The following FBXO43 variants were observed in gnomAD, a reference collection of about 807,000 sequenced individuals.
FBXO43 encodes F-box only protein 43.
FBXO43 carries 22 observed loss-of-function variants against 56.7 expected under a neutral mutation model. That is an observed-to-expected ratio of 0.39 (90% CI 0.28 to 0.55). The LOEUF is 0.55. Among genes scored for constraint, FBXO43 ranks in the 20% least tolerant of loss-of-function variants. The pLI, the probability that FBXO43 is intolerant of heterozygous loss-of-function variation, is 0.66. For synonymous variants in FBXO43, 306 were observed against 294.5 expected (o/e 1.04, Z -0.40); for missense variants, 733 against 814.9 (o/e 0.90, Z 1.22).
chr8:100,149,940 C>G (rs1483917415), upstream of FBXO43, among the ~76,000 whole-genome samples: 1 of 152,168 alleles, frequency 6.6e-6, no homozygotes, highest in Non-Finnish European at 1.5e-5. Flanking sequence ...TACTGAAATT[C>G]TGATACTTGA....
rs1035596405 is a variant in FBXO43, at chr8:100,133,848, G to GC, written c.2080dup (p.Ala694GlyfsTer9). 11 of 1,614,046 alleles carry GC rather than the reference G, an allele frequency of 6.8e-6. No homozygotes were observed. Among genetic ancestry groups the GC allele is most frequent in the African/African-American group, 1.3e-5 (1 of 74,916 alleles). ...CTTACTCTGGGCACTTCCTGGGAGA[G>GC]CATCTTTTCTATTTCTTGGCTTTGC... On this transcript the variant is annotated frameshift_variant, in exon 5 of 5. Transcript: ENST00000428847. LOFTEE classifies it high-confidence loss of function.
rs566029616 is a variant in FBXO43 at position 100,139,399 on chromosome 8, C to A, written c.1571+1284G>T. ...CTTGAGCCCAGGAGTTGCAGACCAG[C>A]CTGAGCAACACAGTGAGACCCCATC... On this transcript the variant is annotated intron_variant, in intron 2 of 4. Coordinates refer to ENST00000428847, the MANE Select transcript of FBXO43 (RefSeq NM_001029860.4). 1.1e-3 allele frequency among the ~76,000 whole-genome samples: 168 copies of A among 152,206 alleles called. 1 individual carries two copies. The highest frequency in any genetic ancestry group is 3.9e-3 in the African/African-American group (164 of 41,522).
At chr8:100,148,305 C>T (rs866434571), upstream of FBXO43, among the ~76,000 whole-genome samples, 2 of 152,144 alleles carry the variant, frequency 1.3e-5, no homozygotes, top group Non-Finnish European at 2.9e-5. Flanking sequence ...CACCTAAAAA[C>T]GGGCAAAAAG....
intron 1 of FBXO43, 72 bp from the exon 2 acceptor site, chr8:100,142,240 T>C: frequency 1.5e-6 from 2 of 1,331,440 alleles, no homozygotes; most frequent in Non-Finnish European, 2.0e-6. Context: ...AATACATTAT[T>C]TGTTATGAGT....
intron 2 of FBXO43, among the ~76,000 whole-genome samples, chr8:100,139,062 G>A (rs999074310): frequency 5.3e-5 from 8 of 152,116 alleles, no homozygotes; most frequent in African/African-American, 1.9e-4. Context: ...AAGAGTTTAT[G>A]GAAAAATACT....
At chr8:100,137,301 C>A in intron 3 of FBXO43, 1 of 258,870 alleles carries the variant, frequency 3.9e-6, no homozygotes, top group South Asian at 4.8e-5. Flanking sequence ...ACCTCGTGAT[C>A]CGCCCGCCTC....
chr8:100,141,183 T>C lies in FBXO43; in HGVS notation c.1071A>G (p.Glu357=), dbSNP rs757102983. The change falls in exon 2 of 5, where the codon GAA becomes GAG. Residue 357 remains glutamate (E), a synonymous_variant. Transcript: ENST00000428847. The part of the protein sequence containing the change: ...SLSDQEGSFQ[E]LLQKHKGTPK... The stretch of plus-strand genomic sequence containing the variant: ...GAGTCCCCTTATGTTTCTGCAGTAG[T>C]TCTTGAAAAGAACCCTCCTGGTCAG... 6.2e-7 allele frequency: 1 copy of C among 1,614,124 alleles called. No homozygotes were observed. The highest frequency in any genetic ancestry group is 1.1e-5 in the South Asian group (1 of 91,088).
At chr8:100,145,968 C>T (rs553694740), upstream of FBXO43, among the ~76,000 whole-genome samples, 39 of 152,352 alleles carry the variant, frequency 2.6e-4, no homozygotes, top group Middle Eastern at 6.8e-3. Context: ...CTCGCTCACC[C>T]CTGCACCCGT....
intron 1 of FBXO43, among the ~76,000 whole-genome samples, chr8:100,143,376 G>A (rs1385408042): frequency 6.6e-6 from 1 of 152,102 alleles, no homozygotes; most frequent in East Asian, 1.9e-4. Context: ...AATGATCTTT[G>A]TTACAAAAGC....
At position 100,137,647 on chromosome 8, in the gene FBXO43, T is replaced by A; in HGVS notation, c.1592A>T (p.Asn531Ile). The change falls in exon 3 of 5, where the codon AAT becomes ATT. Residue 531 changes from asparagine (N) to isoleucine (I), a missense_variant. Asn to Ile is a moderately radical substitution (Grantham distance 149). Transcript: ENST00000428847. ...SLCSVWKVSR[N>I]WREIVVQDKN... ...ATCTTGAACAACAATTTCACGCCAA[T>A]TTCTGCTTACTTTCCAAACACTATA... The A allele has an allele frequency of 6.2e-7, 1 of 1,612,984 alleles. No individual in the cohort carries two copies. The highest frequency in any genetic ancestry group is 8.5e-7 in the Non-Finnish European group (1 of 1,179,410).
At chr8:100,146,070 A>G (rs1814826076), upstream of FBXO43, among the ~76,000 whole-genome samples, 1 of 152,252 alleles carries the variant, frequency 6.6e-6, no homozygotes, top group Admixed American at 6.5e-5. Flanking sequence ...CTACAGTGGG[A>G]TGCCATTAGA....
intron 1 of FBXO43, among the ~76,000 whole-genome samples, chr8:100,143,392 GCTACT>G (rs1462090578): frequency 2.6e-5 from 4 of 152,142 alleles, no homozygotes; most frequent in African/African-American, 4.8e-5. Flanking sequence ...AAAGCAAATT[GCTACT>G]CTAAACACAA....
chr8:100,140,094 T>A (rs1563752960), intron 2 of FBXO43, among the ~76,000 whole-genome samples: 1 of 152,188 alleles, frequency 6.6e-6, no homozygotes. Context: ...ATTCAACTTT[T>A]AGCAACTCTC....
Position 100,140,738 on chromosome 8 carries a change from A to C in FBXO43, c.1516T>G (p.Leu506Val), listed in dbSNP as rs1261396635. The change falls in exon 2 of 5, where the codon TTA becomes GTA. Residue 506 changes from leucine (L) to valine (V), a missense_variant. Leu to Val is a conservative substitution (Grantham distance 32). Coordinates refer to ENST00000428847, the MANE Select transcript of FBXO43 (RefSeq NM_001029860.4). ...AAAACCATAGCAAGAATATGCTTTAAATTTCTATATTTTAATTCTGTTAAG... is the reference window on the plus strand; with the variant it reads ...AAAACCATAGCAAGAATATGCTTTACATTTCTATATTTTAATTCTGTTAAG... ...DILTELKYRN[L>V]KHILAMVLES... The C allele has an allele frequency of 1.9e-6, 3 of 1,613,194 alleles. No homozygotes were observed. The highest frequency in any genetic ancestry group is 3.3e-5 in the Admixed American group (2 of 59,866).
chr8:100,140,568 A>G, intron 2 of FBXO43, 115 bp downstream of exon 2: 2 of 786,528 alleles, frequency 2.5e-6, no homozygotes, highest in Non-Finnish European at 4.0e-6. Flanking sequence ...CTTTGATATA[A>G]GACAACAAAA....
intron 1 of FBXO43, among the ~76,000 whole-genome samples, chr8:100,144,628 GAA>G (rs912423794): frequency 5.3e-5 from 6 of 113,296 alleles, no homozygotes; most frequent in Admixed American, 9.1e-5. Flanking sequence ...TGTTCTTTAA[GAA>G]AAAAAAAAAA....
At position 100,141,822 on chromosome 8, in the gene FBXO43, T is replaced by C; in HGVS notation, c.432A>G (p.Thr144=). ...AACATTTTTTCCCACTGATTTTAGG[T>C]GTTTCACAAAGTTCTGGGGTTTTAT... ...EKDKTPELCE[T]PKISGKKCLP... is the part of the protein sequence containing the mutation. Residue 144 remains threonine, a synonymous_variant, in exon 2 of 5, where the codon ACA becomes ACG. Transcript: ENST00000428847. The C allele has an allele frequency of 6.3e-7, 1 of 1,586,316 alleles. No homozygotes were observed. The highest frequency in any genetic ancestry group is 8.5e-7 in the Non-Finnish European group (1 of 1,171,416).
chr8:100,149,184 G>A (rs546354050), upstream of FBXO43, among the ~76,000 whole-genome samples: 2 of 152,340 alleles, frequency 1.3e-5, no homozygotes, highest in Non-Finnish European at 1.5e-5. Context: ...ATGAATTCTT[G>A]TTGAAATTCT....
intron 1 of FBXO43, among the ~76,000 whole-genome samples, chr8:100,143,116 T>C (rs1814708626): frequency 7.4e-6 from 1 of 134,726 alleles, no homozygotes; most frequent in African/African-American, 2.7e-5. Flanking sequence ...TTTTAGAAAC[T>C]TGAAATAAAT....
Sources: allele counts gnomAD v4.1 joint callset (sites outside exome capture counted in the v4.1 genomes callset), GRCh38; gene constraint gnomAD v4.1.1; transcripts MANE v1.5; gene names NCBI Gene and HGNC (gene_info 2026-07-23, HGNC 2026-07-21).